DAB1: variants seen among roughly 807,000 people sequenced by gnomAD.
DAB1 encodes DAB adaptor protein 1.
In DAB1, 15 loss-of-function variants were observed where a neutral mutation model predicts 64.6. That is an observed-to-expected ratio of 0.23 (90% confidence interval 0.16 to 0.36). The LOEUF (loss-of-function observed/expected upper bound fraction) is 0.36. Ranked by LOEUF, DAB1 falls within the 10% of genes least tolerant of loss-of-function variation. The pLI, the probability that DAB1 is intolerant of heterozygous loss-of-function variation, is 1.00. For missense variants in DAB1, 596 were observed against 706.7 expected (o/e 0.84, Z 1.78); for synonymous variants, 235 against 251.9 (o/e 0.93, Z 0.64).
intron 1 of DAB1, among the ~76,000 whole-genome samples, chr1:57,834,562 A>T (rs1652726362): frequency 6.6e-6 from 1 of 152,054 alleles, no homozygotes; most frequent in Admixed American, 6.6e-5. Context: ...AAGGGAATAT[A>T]TATATCTTTT....
intron 4 of DAB1, among the ~76,000 whole-genome samples, chr1:58,320,501 A>G (rs1662656163): frequency 6.6e-6 from 1 of 152,228 alleles, no homozygotes; most frequent in African/African-American, 2.4e-5. Flanking sequence ...TGACTTGCCC[A>G]AGTTCACAGC....
chr1:58,530,304 G>C (rs1187411642), intron 1 of DAB1, among the ~76,000 whole-genome samples: 3 of 152,238 alleles, frequency 2.0e-5, no homozygotes, highest in Non-Finnish European at 2.9e-5. Flanking sequence ...GGAAGGGTCA[G>C]TGGCTGGGTT....
chr1:57,418,365 G>A (rs566158938), intron 1 of DAB1, among the ~76,000 whole-genome samples: 1 of 152,202 alleles, frequency 6.6e-6, no homozygotes, highest in African/African-American at 2.4e-5. Flanking sequence ...GACAGAGAAA[G>A]AGCAAAGAAA....
chr1:57,467,657 G>C (rs900078940), intron 7 of DAB1, among the ~76,000 whole-genome samples: 1 of 152,048 alleles, frequency 6.6e-6, no homozygotes, highest in African/African-American at 2.4e-5. Flanking sequence ...TAGATCATTT[G>C]CTGTACATCC....
intron 7 of DAB1, among the ~76,000 whole-genome samples, chr1:57,622,516 A>G (rs993073969): frequency 6.6e-6 from 1 of 152,238 alleles, no homozygotes; most frequent in Non-Finnish European, 1.5e-5. Context: ...TTCTGTGATA[A>G]GTATTCACCA....
intron 1 of DAB1, among the ~76,000 whole-genome samples, chr1:57,369,841 A>G (rs7548078): frequency 0.014 from 2,197 of 152,346 alleles, 34 homozygotes; most frequent in African/African-American, 0.043. Flanking sequence ...GTTAAGTGTT[A>G]TAACGATCAT....
At chr1:58,534,008 T>G (rs375835465) in intron 1 of DAB1, 155 of 871,666 alleles carry the variant, frequency 1.8e-4, no homozygotes, top group Non-Finnish European at 3.0e-4. Flanking sequence ...AGAAAGTTGA[T>G]GAATATCGGT....
chr1:57,041,939 G>A (rs1441779687), intron 9 of DAB1, among the ~76,000 whole-genome samples: 1 of 152,146 alleles, frequency 6.6e-6, no homozygotes, highest in Non-Finnish European at 1.5e-5. Flanking sequence ...GCAGATTTGG[G>A]ATGATGTAGC....
chr1:57,341,162 T>C (rs539348307), intron 1 of DAB1, among the ~76,000 whole-genome samples: 158 of 152,150 alleles, frequency 1.0e-3, no homozygotes, highest in African/African-American at 3.7e-3. Context: ...GCAGGGCAGG[T>C]TCTGGGGTAG....
intron 4 of DAB1, among the ~76,000 whole-genome samples, chr1:58,221,087 A>C (rs35848260): frequency 0.31 from 47,110 of 150,720 alleles, 7,988 homozygotes; most frequent in East Asian, 0.46. Context: ...TAGAAATACA[A>C]ATACACACTC....
intron 1 of DAB1, among the ~76,000 whole-genome samples, chr1:57,344,046 C>T (rs1677887446): frequency 6.6e-6 from 1 of 152,242 alleles, no homozygotes; most frequent in Non-Finnish European, 1.5e-5. Flanking sequence ...ATTTTATCCT[C>T]ACCAGAAACC....
chr1:58,159,650 G>C (rs1043354471), intron 4 of DAB1, among the ~76,000 whole-genome samples: 1 of 152,236 alleles, frequency 6.6e-6, no homozygotes, highest in East Asian at 1.9e-4. Context: ...GACAGCAGCT[G>C]CAGGAAGTGA....
At position 57,384,734 on chromosome 1, in the gene DAB1, G is replaced by A. The variant is rs147383574; in HGVS notation, c.-137+39196C>T. Among the ~76,000 whole-genome samples, 469 of 152,180 alleles carry A rather than the reference G, an allele frequency of 3.1e-3. 1 individual carries two copies. Among genetic ancestry groups the A allele is most frequent in the Middle Eastern group, 0.01 (3 of 294 alleles). On this transcript the variant is annotated intron_variant, in intron 1 of 14. Coordinates refer to ENST00000371236, the MANE Select transcript of DAB1 (RefSeq NM_001365792.1). ...TAGCTGCCAGGAACTGGGAGGTGGAGGGAAAAATGGGGAGTTATTGTTTAA... is the reference window on the plus strand; with the variant it reads ...TAGCTGCCAGGAACTGGGAGGTGGAAGGAAAAATGGGGAGTTATTGTTTAA...
intron 2 of DAB1, among the ~76,000 whole-genome samples, chr1:57,267,108 G>T (rs1385040669): frequency 6.6e-6 from 1 of 152,078 alleles, no homozygotes; most frequent in African/African-American, 2.4e-5. Context: ...GATCATCCTG[G>T]ATTATTCTGG....
At chr1:57,781,661 C>A (rs1569665358) in intron 6 of DAB1, among the ~76,000 whole-genome samples, 1 of 142,992 alleles carries the variant, frequency 7.0e-6, no homozygotes. Flanking sequence ...AAATAGTTCC[C>A]AATATGGAAT....
intron 7 of DAB1, among the ~76,000 whole-genome samples, chr1:57,580,288 A>C (rs182364951): frequency 1.3e-5 from 2 of 152,296 alleles, no homozygotes; most frequent in East Asian, 3.9e-4. Flanking sequence ...ATAAGGCTAT[A>C]TTACAAATGG....
chr1:57,331,544 A>G lies in DAB1; in HGVS notation c.-136-40378T>C, dbSNP rs553193593. Among the ~76,000 whole-genome samples the G allele has an allele frequency of 9.4e-4, 143 of 152,210 alleles. 1 individual carries two copies. The highest frequency in any genetic ancestry group is 1.7e-3 in the Non-Finnish European group (118 of 68,016). On this transcript the variant is annotated intron_variant, in intron 1 of 14. Coordinates refer to ENST00000371236, the MANE Select transcript of DAB1 (RefSeq NM_001365792.1). ...AAAATTCTGTAGCCTAGCTCACTCA[A>G]CATCTCTCCTGACACCCTTCTCTTT...
At chr1:58,427,852 C>T (rs1300225772) in intron 3 of DAB1, among the ~76,000 whole-genome samples, 1 of 152,068 alleles carries the variant, frequency 6.6e-6, no homozygotes, top group African/African-American at 2.4e-5. Flanking sequence ...ATCAACTCAG[C>T]CAGCGTGAAG....
intron 4 of DAB1, among the ~76,000 whole-genome samples, chr1:58,341,278 A>T (rs1444882047): frequency 6.6e-6 from 1 of 152,158 alleles, no homozygotes; most frequent in Admixed American, 6.6e-5. Flanking sequence ...TTCAGAGGTT[A>T]TCTGCTCTGA....
Sources: gnomAD v4.1 joint callset for allele counts (sites outside exome capture counted in the v4.1 genomes callset) on GRCh38, gnomAD v4.1.1 for gene constraint, MANE v1.5 for transcripts, NCBI Gene and HGNC (gene_info 2026-07-23, HGNC 2026-07-21) for gene names.